KIRREL3: variants seen among roughly 807,000 people sequenced by gnomAD.
The protein encoded by KIRREL3 is kirre like nephrin family adhesion molecule 3.
Under a neutral mutation model 89.7 loss-of-function variants are expected in KIRREL3, and 36 were observed. The ratio of observed to expected loss-of-function variants is 0.40; its 90% CI spans 0.31 to 0.53. KIRREL3 has a LOEUF of 0.53. KIRREL3 is among the 20% of genes least tolerant of loss of function. The pLI is 0.49. For missense variants in KIRREL3, 864 were observed against 1,056.6 expected, an observed-to-expected ratio of 0.82 and a Z score of 2.53; for synonymous variants, 445 against 441.4, an observed-to-expected ratio of 1.01 and a Z score of -0.10.
chr11:126,972,858 GA>G (rs1235621915), intron 1 of KIRREL3, among the ~76,000 whole-genome samples: 1 of 151,738 alleles, frequency 6.6e-6, no homozygotes, highest in Non-Finnish European at 1.5e-5. Context: ...GAATAAAAAG[GA>G]AAAAAAGTCA....
At chr11:126,727,533 G>T (rs1388748788) in intron 1 of KIRREL3, among the ~76,000 whole-genome samples, 1 of 152,206 alleles carries the variant, frequency 6.6e-6, no homozygotes, top group Non-Finnish European at 1.5e-5. Flanking sequence ...TCAGCTGTCT[G>T]CAGCAGCTGT....
chr11:126,741,534 T>C (rs962405421), intron 1 of KIRREL3, among the ~76,000 whole-genome samples: 12 of 152,346 alleles, frequency 7.9e-5, no homozygotes, highest in African/African-American at 2.6e-4. Flanking sequence ...AAATGCGTCT[T>C]GATCTTCAAA....
At position 126,996,855 on chromosome 11, in the gene KIRREL3, A is replaced by C. The variant is rs1457023608; in HGVS notation, c.55+3600T>G. Among the ~76,000 whole-genome samples, 2 of 152,246 alleles carry C rather than the reference A, an allele frequency of 1.3e-5. No individual in the cohort carries two copies. The highest frequency in any genetic ancestry group is 2.9e-5 in the Non-Finnish European group (2 of 68,042). On this transcript the variant is annotated intron_variant, in intron 1 of 16. Coordinates refer to ENST00000525144, the MANE Select transcript of KIRREL3 (RefSeq NM_032531.4). This position sits in a 1 kb window ranked among gnomAD's most constrained non-coding sequence, Gnocchi z 4.7. ...ATGCAAAGCCAAAAGATCTGGGTTCAGCAGAATTAGAACCTTCACAACCAC... is the reference window on the plus strand; with the variant it reads ...ATGCAAAGCCAAAAGATCTGGGTTCCGCAGAATTAGAACCTTCACAACCAC...
In KIRREL3 at chr11:126,689,122, G is replaced by C. The variant is rs938103271; in HGVS notation, c.56-126210C>G. ...ATTGAGCATGAGCTGCCTGATCTTT[G>C]CCAGGTGATAAACTGGCCCACTGTG... On this transcript the variant is annotated intron_variant, in intron 1 of 16. Coordinates refer to ENST00000525144, the MANE Select transcript of KIRREL3 (RefSeq NM_032531.4). This position sits in a 1 kb window ranked among gnomAD's most constrained non-coding sequence, Gnocchi z 5.2. Among the ~76,000 whole-genome samples, 2 of 151,560 alleles carry C rather than the reference G, an allele frequency of 1.3e-5. No homozygotes were observed. Among genetic ancestry groups the C allele is most frequent in the African/African-American group, 4.9e-5 (2 of 41,160 alleles).
chr11:126,723,454 C>T lies in KIRREL3; in HGVS notation c.56-160542G>A, dbSNP rs1948258303. 6.6e-6 allele frequency among the ~76,000 whole-genome samples: 1 copy of T among 152,172 alleles called. No homozygotes were observed. Among genetic ancestry groups the T allele is most frequent in the Non-Finnish European group, 1.5e-5 (1 of 68,028 alleles). On this transcript the variant is annotated intron_variant, in intron 1 of 16. Transcript: ENST00000525144. The surrounding 1 kb of genome is among the most constrained non-coding windows in gnomAD (Gnocchi z 4.0). Reference sequence around the variant, plus strand: ...TAACAATTTAAAAAAATCAACTCTCCTCAGCCTCCAGACACACATGCTCTG... The same window carrying T: ...TAACAATTTAAAAAAATCAACTCTCTTCAGCCTCCAGACACACATGCTCTG...
intron 4 of KIRREL3, among the ~76,000 whole-genome samples, chr11:126,506,313 A>G (rs933410868): frequency 2.6e-5 from 4 of 152,242 alleles, no homozygotes; most frequent in Admixed American, 6.5e-5. Flanking sequence ...AGTAAACGAA[A>G]AGGCAAACTA....
intron 2 of KIRREL3, among the ~76,000 whole-genome samples, chr11:126,552,333 A>G (rs1939331188): frequency 6.6e-6 from 1 of 152,078 alleles, no homozygotes; most frequent in Non-Finnish European, 1.5e-5. Flanking sequence ...CGAGTGGACT[A>G]TTCTTACCAC....
chr11:126,845,966 A>G (rs970415790), intron 1 of KIRREL3, among the ~76,000 whole-genome samples: 6 of 152,196 alleles, frequency 3.9e-5, no homozygotes, highest in African/African-American at 1.2e-4. Flanking sequence ...AAAAAACACA[A>G]AAAACCTCTG....
At chr11:126,901,400 G>A (rs931346581) in intron 1 of KIRREL3, among the ~76,000 whole-genome samples, 2 of 152,256 alleles carry the variant, frequency 1.3e-5, no homozygotes, top group Middle Eastern at 3.4e-3. Context: ...GGGAGCAGGG[G>A]GTTTCTTGGA....
chr11:126,917,945 T>C lies in KIRREL3; in HGVS notation c.55+82510A>G, dbSNP rs1947106128. ...TGGTGTGTGATGACACATCTTACAG[T>C]GATGGAGCAGAATTTAGATGCTGTG... On this transcript the variant is annotated intron_variant, in intron 1 of 16. Coordinates refer to ENST00000525144, the MANE Select transcript of KIRREL3 (RefSeq NM_032531.4). This position sits in a 1 kb window ranked among gnomAD's most constrained non-coding sequence, Gnocchi z 5.0. Among the ~76,000 whole-genome samples the C allele has an allele frequency of 6.6e-6, 1 of 152,184 alleles. No homozygotes were observed. Among genetic ancestry groups the C allele is most frequent in the Non-Finnish European group, 1.5e-5 (1 of 68,028 alleles).
rs367572390 is a variant in KIRREL3, at chr11:126,475,551, G to T, written c.434-2085C>A. On this transcript the variant is annotated intron_variant, in intron 4 of 16. Coordinates refer to ENST00000525144, the MANE Select transcript of KIRREL3 (RefSeq NM_032531.4). The surrounding 1 kb of genome is among the most constrained non-coding windows in gnomAD (Gnocchi z 7.5). ...CGAGAAGCCATCACTGACCCCAGGG[G>T]CAGCGAGCCCCGGACTCCACCGAGA... Among the ~76,000 whole-genome samples, 18 of 150,522 alleles carry T rather than the reference G, an allele frequency of 1.2e-4. No individual in the cohort carries two copies. The East Asian group carries it at 3.2e-3, about 27-fold the overall frequency.
At chr11:126,941,073 CA>C (rs1948426815) in intron 1 of KIRREL3, 1 of 152,144 alleles carries the variant, frequency 6.6e-6, no homozygotes, top group Admixed American at 6.5e-5. Flanking sequence ...CTAGATAATT[CA>C]GACACCATTC....
chr11:126,826,266 ACTGT>A (rs1350841274), intron 1 of KIRREL3, among the ~76,000 whole-genome samples: 1 of 152,148 alleles, frequency 6.6e-6, no homozygotes, highest in Non-Finnish European at 1.5e-5. Context: ...CTAACACCTA[ACTGT>A]CTGTCCGGAA....
intron 1 of KIRREL3, among the ~76,000 whole-genome samples, chr11:126,956,569 AGACGT>A (rs1474835556): frequency 6.6e-6 from 1 of 152,186 alleles, no homozygotes; most frequent in African/African-American, 2.4e-5. Context: ...CAGCCCAAGG[AGACGT>A]GACTCCAGTA....
chr11:126,815,799 T>G (rs1341593449), intron 1 of KIRREL3, among the ~76,000 whole-genome samples: 1 of 152,214 alleles, frequency 6.6e-6, no homozygotes, highest in Non-Finnish European at 1.5e-5. Context: ...CCTCCCAAAG[T>G]GCTGGGATTA....
intron 1 of KIRREL3, among the ~76,000 whole-genome samples, chr11:126,659,998 G>T (rs887397942): frequency 1.3e-5 from 2 of 152,328 alleles, no homozygotes; most frequent in Middle Eastern, 3.4e-3. Flanking sequence ...TTCTGGTCTT[G>T]AAAAGCATGA....
chr11:126,743,838 C>A (rs994677607), intron 1 of KIRREL3, among the ~76,000 whole-genome samples: 9 of 152,140 alleles, frequency 5.9e-5, no homozygotes, highest in Admixed American at 3.3e-4. Context: ...CACACAGATT[C>A]CTGGGGTTTT....
Position 126,768,001 on chromosome 11 carries a change from A to C in KIRREL3, c.56-205089T>G, listed in dbSNP as rs542921103. ...GGGTGAAGTCCAAATAATCTTCATG[A>C]CATCCAAAGCCCTGTGTTCTGCTTC... On this transcript the variant is annotated intron_variant, in intron 1 of 16. Transcript: ENST00000525144. This position sits in a 1 kb window ranked among gnomAD's most constrained non-coding sequence, Gnocchi z 4.5. 2.0e-5 allele frequency among the ~76,000 whole-genome samples: 3 copies of C among 152,228 alleles called. No individual in the cohort carries two copies. The highest frequency in any genetic ancestry group is 4.1e-4 in the South Asian group (2 of 4,830).
rs1940802306 is a variant in KIRREL3 at position 126,569,991 on chromosome 11, C to T, written c.56-7079G>A. Among the ~76,000 whole-genome samples, 1 of 152,096 alleles carries T rather than the reference C, an allele frequency of 6.6e-6. No homozygotes were observed. On this transcript the variant is annotated intron_variant, in intron 1 of 16. Transcript: ENST00000525144. This position sits in a 1 kb window ranked among gnomAD's most constrained non-coding sequence, Gnocchi z 6.5. ...TCAGCATAATTACTCATATCCCAGG[C>T]AATAATAATGCCCATACATCATGCA...
Sources: allele counts gnomAD v4.1 joint callset (sites outside exome capture counted in the v4.1 genomes callset), GRCh38; gene constraint gnomAD v4.1.1; non-coding constraint Gnocchi (gnomAD v3.1); transcripts MANE v1.5; gene names NCBI Gene and HGNC (gene_info 2026-07-23, HGNC 2026-07-21).